CECR2: variants seen among roughly 807,000 people sequenced by gnomAD.
CECR2 encodes CECR2 histone acetyl-lysine reader.
CECR2 carries 30 observed loss-of-function variants against 154.5 expected under a neutral mutation model. The observed-to-expected ratio is 0.19, with a 90% CI of 0.15 to 0.26. The LOEUF (loss-of-function observed/expected upper bound fraction) is 0.26, where lower values mean the gene tolerates loss of function less well. Ranked by LOEUF, CECR2 falls within the 10% of genes least tolerant of loss-of-function variation. The pLI, the probability that CECR2 is intolerant of heterozygous loss-of-function variation, is 1.00. For missense variants in CECR2, 1,743 were observed against 1,829.3 expected, an observed-to-expected ratio of 0.95 and a Z score of 0.86; for synonymous variants, 725 against 683.7, an observed-to-expected ratio of 1.06 and a Z score of -0.94.
chr22:17,484,506 G>C (rs1004835330), intron 2 of CECR2, among the ~76,000 whole-genome samples: 3 of 151,812 alleles, frequency 2.0e-5, no homozygotes, highest in African/African-American at 7.3e-5. Flanking sequence ...AGGAAAGACT[G>C]TTTTTCTGTT....
At chr22:17,476,653 A>G (rs1428118434) in intron 1 of CECR2, among the ~76,000 whole-genome samples, 1 of 152,158 alleles carries the variant, frequency 6.6e-6, no homozygotes, top group African/African-American at 2.4e-5. Flanking sequence ...GATTGTCAGA[A>G]GTTTGGTTTT....
intron 1 of CECR2, among the ~76,000 whole-genome samples, chr22:17,470,577 T>C (rs554332697): frequency 1.8e-4 from 28 of 152,250 alleles, no homozygotes; most frequent in African/African-American, 6.5e-4. Context: ...TTATCTCCCC[T>C]ATTTCTGTTT....
At chr22:17,380,274 CAT>C (rs770404166) in intron 1 of CECR2, among the ~76,000 whole-genome samples, 5 of 152,182 alleles carry the variant, frequency 3.3e-5, no homozygotes, top group Non-Finnish European at 5.9e-5. Context: ...ATAATTCTCT[CAT>C]GTGTTCTTTT....
intron 1 of CECR2, among the ~76,000 whole-genome samples, chr22:17,443,679 C>T (rs1021439784): frequency 5.3e-5 from 8 of 152,216 alleles, no homozygotes; most frequent in African/African-American, 1.4e-4. Context: ...CTGTTCTGTG[C>T]ACCACTGTTG....
At chr22:17,419,570 A>AAAG (rs200339991) in intron 1 of CECR2, 26 of 232,856 alleles carry the variant, frequency 1.1e-4, no homozygotes, top group South Asian at 8.1e-4. Flanking sequence ...AGGAGGAAGA[A>AAAG]AAGAAGAAGA....
Position 17,538,741 on chromosome 22 carries a change from G to A in CECR2, c.1368+10G>A. On this transcript the variant is annotated intron_variant, in intron 12 of 18. Transcript: ENST00000262608. ...TTATCAGATTATTAAGGTAGAAGTT[G>A]TCTTTGCAGTAATGCCTACTATAGT... 2 of 1,605,786 alleles carry A rather than the reference G, an allele frequency of 1.2e-6. No individual in the cohort carries two copies. Among genetic ancestry groups the A allele is most frequent in the Admixed American group, 3.3e-5 (2 of 59,986 alleles).
chr22:17,369,757 G>A lies in CECR2; in HGVS notation c.-27G>A, dbSNP rs2063032101. ...GGCGGGCAGAGCGCGGGCAGCGAGG[G>A]GCCGCCGCCTGTGCCGCAGCGGGGA... On this transcript the variant is annotated 5_prime_UTR_variant, in exon 1 of 19. Transcript: ENST00000262608. 6.6e-6 allele frequency: 1 copy of A among 150,466 alleles called. No homozygotes were observed. The highest frequency in any genetic ancestry group is 2.1e-4 in the South Asian group (1 of 4,830). The allele number at this position is 150,466 out of a possible 1,614,324, so 9.3% of individuals were successfully genotyped here.
intron 1 of CECR2, among the ~76,000 whole-genome samples, chr22:17,407,407 C>T (rs1431798500): frequency 2.0e-5 from 3 of 152,118 alleles, no homozygotes; most frequent in African/African-American, 4.8e-5. Flanking sequence ...ACCACCCTGG[C>T]CAACATAGTG....
chr22:17,421,478 A>G (rs5992048), intron 1 of CECR2, among the ~76,000 whole-genome samples: 21,741 of 151,174 alleles, frequency 0.14, 1,654 homozygotes, highest in East Asian at 0.23. Flanking sequence ...AGTCGGGTGT[A>G]GTGGCGGGCG....
chr22:17,539,660 T>C (rs887154975), intron 13 of CECR2, among the ~76,000 whole-genome samples: 1 of 151,856 alleles, frequency 6.6e-6, no homozygotes, highest in African/African-American at 2.4e-5. Flanking sequence ...GAACTTAAAG[T>C]ATAATAAAAA....
intron 9 of CECR2, among the ~76,000 whole-genome samples, chr22:17,530,761 G>T (rs1278344454): frequency 6.6e-6 from 1 of 152,090 alleles, no homozygotes; most frequent in Non-Finnish European, 1.5e-5. Flanking sequence ...GAACCTGAAT[G>T]CAGTATACAC....
intron 1 of CECR2, among the ~76,000 whole-genome samples, chr22:17,464,258 A>T (rs973475215): frequency 1.3e-5 from 2 of 152,208 alleles, no homozygotes; most frequent in African/African-American, 4.8e-5. Flanking sequence ...AGGCCAACTG[A>T]TGAAATTTCT....
intron 1 of CECR2, among the ~76,000 whole-genome samples, chr22:17,464,500 T>A (rs1457761022): frequency 6.6e-6 from 1 of 152,184 alleles, no homozygotes; most frequent in Non-Finnish European, 1.5e-5. Flanking sequence ...AAGTCTTTTT[T>A]TTCTTTTGAG....
At chr22:17,446,567 A>C (rs555223642) in intron 1 of CECR2, among the ~76,000 whole-genome samples, 1 of 151,666 alleles carries the variant, frequency 6.6e-6, no homozygotes, top group Non-Finnish European at 1.5e-5. Flanking sequence ...AATACAAAAA[A>C]TTAGCCGGGT....
rs376598744 is a variant in CECR2 at position 17,504,209 on chromosome 22, G to A, written c.701-638G>A. ...CAACATGGCAAAACCCTGTCTCTAC[G>A]AAAAATACAAAAGTTTAGCTGGATG... On this transcript the variant is annotated intron_variant, in intron 6 of 18. Coordinates refer to ENST00000262608, the MANE Select transcript of CECR2 (RefSeq NM_001290047.2). Among the ~76,000 whole-genome samples the A allele has an allele frequency of 3.1e-4, 47 of 151,530 alleles. No individual in the cohort carries two copies. In the East Asian group the frequency reaches 3.7e-3, roughly 12 times the overall value.
chr22:17,453,115 G>T (rs1364077754), intron 1 of CECR2, among the ~76,000 whole-genome samples: 1 of 152,090 alleles, frequency 6.6e-6, no homozygotes. Flanking sequence ...TTTACCTATG[G>T]CTGTATATTT....
chr22:17,540,709 C>T lies in CECR2; in HGVS notation c.1793C>T (p.Pro598Leu), dbSNP rs894825263. Residue 598 changes from proline to leucine, a missense_variant, in exon 14 of 19, where the codon CCG (proline) becomes CTG (leucine). Physicochemically the swap from Pro to Leu is moderately conservative, Grantham distance 98. Transcript: ENST00000262608. ...CAGAGCAGCAGCTCCACACAGCCCC[C>T]GCGGGAGGTGGGCACTTCCAATGGC... The part of the protein sequence containing the change: ...DDQSSSSTQP[P>L]REVGTSNGRG... The T allele has an allele frequency of 4.3e-6, 7 of 1,613,242 alleles. No individual in the cohort carries two copies. Among genetic ancestry groups the T allele is most frequent in the Non-Finnish European group, 5.1e-6 (6 of 1,179,602 alleles).
chr22:17,484,888 G>T (rs550585472), intron 2 of CECR2, among the ~76,000 whole-genome samples: 1 of 152,180 alleles, frequency 6.6e-6, no homozygotes, highest in Non-Finnish European at 1.5e-5. Flanking sequence ...AACAAAAAAG[G>T]ACATCAGGCC....
At chr22:17,396,567 A>G (rs1321175065) in intron 1 of CECR2, among the ~76,000 whole-genome samples, 1 of 151,972 alleles carries the variant, frequency 6.6e-6, no homozygotes, top group Non-Finnish European at 1.5e-5. Context: ...CAAACTGTGC[A>G]TCACTTTGTT....
Sources: allele counts gnomAD v4.1 joint callset (sites outside exome capture counted in the v4.1 genomes callset), GRCh38; gene constraint gnomAD v4.1.1; transcripts MANE v1.5; gene names NCBI Gene and HGNC (gene_info 2026-07-23, HGNC 2026-07-21).